Variants in IFT46 observed in about 807,000 individuals in gnomAD.
The protein encoded by IFT46 is intraflagellar transport 46.
A neutral mutation model predicts 39.6 loss-of-function variants in IFT46; 19 were observed. The observed-to-expected ratio is 0.48, with a 90% CI of 0.33 to 0.70. IFT46 has a LOEUF of 0.70. Among genes scored for constraint, IFT46 ranks in the 30% least tolerant of loss-of-function variants. IFT46 has a pLI of 0.01. For missense variants in IFT46, 334 were observed against 364.8 expected, an observed-to-expected ratio of 0.92 and a Z score of 0.69; for synonymous variants, 117 against 134.8, an observed-to-expected ratio of 0.87 and a Z score of 0.91.
upstream of IFT46, chr11:118,573,112 G>A (rs138340925): frequency 1.9e-4 from 31 of 159,774 alleles, no homozygotes; most frequent in Non-Finnish European, 3.5e-4. Context: ...TAACACTAAT[G>A]TATAGGACCC....
intron 4 of IFT46, 117 bp downstream of exon 4, chr11:118,556,788 TA>T: frequency 7.8e-7 from 1 of 1,275,968 alleles, no homozygotes. Flanking sequence ...CTGAAAATCC[TA>T]AATACAGGAG....
upstream of IFT46, among the ~76,000 whole-genome samples, chr11:118,568,327 A>G (rs2135519135): frequency 6.6e-6 from 1 of 152,298 alleles, no homozygotes; most frequent in African/African-American, 2.4e-5. Context: ...AGGCAGGTGG[A>G]TCACCAGAGG....
chr11:118,560,824 C>T lies in IFT46; in HGVS notation c.-35-960G>A, dbSNP rs1465538754. The T allele has an allele frequency of 4.0e-6, 3 of 749,844 alleles. No individual in the cohort carries two copies. In the African/African-American group the frequency reaches 5.1e-5, roughly 13 times the overall value. 46.4% of individuals were successfully genotyped at this position (749,844 alleles called of 1,614,324 possible). ...TGATACAGGATAAAAATAAATACAA[C>T]ACACCCAAATATAAGATGATAGTTC... On this transcript the variant is annotated intron_variant, in intron 2 of 11. Coordinates refer to ENST00000264021, the MANE Select transcript of IFT46 (RefSeq NM_001168618.2).
intron 3 of IFT46, among the ~76,000 whole-genome samples, chr11:118,558,691 G>T (rs1555070014): frequency 6.6e-6 from 1 of 151,416 alleles, no homozygotes; most frequent in African/African-American, 2.4e-5. Context: ...CAAGGCAGGA[G>T]GATCACCTGA....
chr11:118,568,742 C>T (rs1938279330), upstream of IFT46, among the ~76,000 whole-genome samples: 2 of 151,318 alleles, frequency 1.3e-5, no homozygotes, highest in Admixed American at 1.3e-4. Context: ...CCTCAGCTCA[C>T]TGCTATCTCT....
chr11:118,564,338 CGG>C (rs1938158012), intron 2 of IFT46, among the ~76,000 whole-genome samples: 2 of 152,068 alleles, frequency 1.3e-5, no homozygotes, highest in Middle Eastern at 3.2e-3. Context: ...TTACCAGCAT[CGG>C]GATGGCAGGG....
At chr11:118,560,671 C>A in intron 2 of IFT46, 1 of 537,184 alleles carries the variant, frequency 1.9e-6, no homozygotes, top group South Asian at 1.9e-5. Context: ...GCCGCAAACG[C>A]GGGTCTCTGT....
At chr11:118,552,087 C>T in intron 8 of IFT46, 127 bp downstream of exon 8, 1 of 1,191,884 alleles carries the variant, frequency 8.4e-7, no homozygotes, top group Non-Finnish European at 1.2e-6. Context: ...CAGTAGTTGC[C>T]AGGATCCACA....
chr11:118,575,277 C>T (rs192731311), upstream of IFT46, among the ~76,000 whole-genome samples: 3 of 152,232 alleles, frequency 2.0e-5, no homozygotes, highest in Non-Finnish European at 2.9e-5. Flanking sequence ...GGCGCCCGGC[C>T]CCTGTATTAT....
At chr11:118,546,341 A>T (rs1281673306) in intron 9 of IFT46, 4 of 579,722 alleles carry the variant, frequency 6.9e-6, no homozygotes, top group Non-Finnish European at 1.3e-5. Flanking sequence ...CTACAAAAAA[A>T]TTAGCCGGGT....
At chr11:118,572,343 G>GGCCCC in intron 1 of IFT46, 1 of 148,444 alleles carries the variant, frequency 6.7e-6, no homozygotes, top group South Asian at 1.2e-4. Flanking sequence ...CAGCCCACAG[G>GGCCCC]CCCCGCCCCC....
chr11:118,545,533 A>C, intron 10 of IFT46, 39 bp from the exon 11 acceptor site: 1 of 1,534,922 alleles, frequency 6.5e-7, no homozygotes, highest in East Asian at 2.2e-5. Context: ...GAAGCAAACA[A>C]ACTCCGGGAA....
upstream of IFT46, among the ~76,000 whole-genome samples, chr11:118,566,483 G>T (rs762222086): frequency 6.6e-6 from 1 of 151,838 alleles, no homozygotes; most frequent in Non-Finnish European, 1.5e-5. Context: ...ACGAGGTCAG[G>T]AGATCGAGAC....
intron 6 of IFT46, among the ~76,000 whole-genome samples, 195 bp from the exon 7 acceptor site, chr11:118,554,782 T>C (rs1162160220): frequency 6.6e-6 from 1 of 152,144 alleles, no homozygotes; most frequent in Non-Finnish European, 1.5e-5. Context: ...AGGAAGCAAA[T>C]ACATGACAAA....
chr11:118,575,411 G>GGTGTGTGTGTGTGT (rs56934953), upstream of IFT46, among the ~76,000 whole-genome samples: 249 of 149,184 alleles, frequency 1.7e-3, no homozygotes, highest in African/African-American at 5.8e-3. Flanking sequence ...ACTGATAACG[G>GGTGTGTGTGTGTGT]GTGTGTGTGT....
At chr11:118,571,404 C>A (rs1938333205) in intron 1 of IFT46, among the ~76,000 whole-genome samples, 1 of 152,204 alleles carries the variant, frequency 6.6e-6, no homozygotes, top group Admixed American at 6.5e-5. Context: ...TTAGAGTACA[C>A]ATTTTTGTGT....
chr11:118,554,427 C>T, intron 7 of IFT46, 32 bp downstream of exon 7: 1 of 1,560,484 alleles, frequency 6.4e-7, no homozygotes, highest in Non-Finnish European at 8.6e-7. Flanking sequence ...TGGCCCTCTC[C>T]AGCTGGGGCC....
At chr11:118,572,101 A>C (rs1337458548) in intron 1 of IFT46, among the ~76,000 whole-genome samples, 1 of 152,070 alleles carries the variant, frequency 6.6e-6, no homozygotes, top group Non-Finnish European at 1.5e-5. Context: ...AAAAAAAAAA[A>C]AAAAAGTTCT....
At chr11:118,547,058 A>T (rs2135471774) in intron 9 of IFT46, 1 of 152,314 alleles carries the variant, frequency 6.6e-6, no homozygotes, top group East Asian at 1.9e-4. Flanking sequence ...ATAATATTCC[A>T]TTGCATAGTA....
Sources: allele counts gnomAD v4.1 joint callset (sites outside exome capture counted in the v4.1 genomes callset), GRCh38; gene constraint gnomAD v4.1.1; transcripts MANE v1.5; gene names NCBI Gene and HGNC (gene_info 2026-07-23, HGNC 2026-07-21).